ASAP3: variants seen among roughly 807,000 people sequenced by gnomAD.
The protein encoded by ASAP3 is arf-GAP with SH3 domain, ANK repeat and PH domain-containing protein 3.
A neutral mutation model predicts 118.2 loss-of-function variants in ASAP3; 85 were observed. The ratio of observed to expected loss-of-function variants is 0.72; its 90% CI spans 0.60 to 0.86. ASAP3 has a LOEUF of 0.86. Ranked by LOEUF, ASAP3 falls within the 40% of genes least tolerant of loss-of-function variation. The pLI, the probability that ASAP3 is intolerant of heterozygous loss-of-function variation, is 0.00. For missense variants in ASAP3, 1,026 were observed against 1,175.0 expected, an observed-to-expected ratio of 0.87 and a Z score of 1.85; for synonymous variants, 432 against 477.4, an observed-to-expected ratio of 0.90 and a Z score of 1.24.
rs986665277 is a variant in ASAP3, at chr1:23,436,455, G to C, written c.1571+105C>G. ...TGGGATTACAGGCGTGAGCCACTGC[G>C]CCCAGCCTCCCCAGACTTCTGATCC... On this transcript the variant is annotated intron_variant, in intron 16 of 24. Transcript: ENST00000336689. The surrounding 1 kb of genome is among the most constrained non-coding windows in gnomAD (Gnocchi z 4.2). 1.5e-6 allele frequency: 2 copies of C among 1,304,958 alleles called. No homozygotes were observed. The highest frequency in any genetic ancestry group is 2.9e-5 in the African/African-American group (2 of 68,614). The allele number at this position is 1,304,958 out of a possible 1,614,324, so 80.8% of individuals were successfully genotyped here. A position where few individuals can be genotyped will look rare whatever the true frequency, so the allele number is the denominator to read the frequency against.
At position 23,431,689 on chromosome 1, in the gene ASAP3, C is replaced by T; in HGVS notation, c.2546+7G>A. ...TGCCCTGGTTGCACAGCTGGGCCCT[C>T]ACCAACCTGAATCTGACGGGGAGGT... On this transcript the variant is annotated splice_region_variant and intron_variant, in intron 23 of 24. Transcript: ENST00000336689. 4 of 1,524,076 alleles carry T rather than the reference C, an allele frequency of 2.6e-6. No homozygotes were observed. Among genetic ancestry groups the T allele is most frequent in the Non-Finnish European group, 3.5e-6 (4 of 1,142,458 alleles). 94.4% of individuals were successfully genotyped at this position (1,524,076 alleles called of 1,614,324 possible). A position where few individuals can be genotyped will look rare whatever the true frequency, so the allele number is the denominator to read the frequency against.
Position 23,452,706 on chromosome 1 carries a change from G to A in ASAP3, c.414C>T (p.Asp138=), listed in dbSNP as rs141042381. ...CAGCATGGAGACTCACCTGTCGACC[G>A]TCCCTCAGCTGCCCCTTCATCAGAC... ...LDSLMKGQLR[D]GRQDSKKQLE... The change falls in exon 4 of 25, where the codon GAC becomes GAT. Residue 138 remains aspartate (D), a synonymous_variant. Transcript: ENST00000336689. The A allele has an allele frequency of 3.2e-5, 52 of 1,613,562 alleles. No individual in the cohort carries two copies. The highest frequency in any genetic ancestry group is 2.8e-4 in the African/African-American group (21 of 74,844).
At chr1:23,457,808 C>CG (rs1391121544) in intron 1 of ASAP3, among the ~76,000 whole-genome samples, 5 of 152,174 alleles carry the variant, frequency 3.3e-5, no homozygotes, top group African/African-American at 1.2e-4. Context: ...CCACCGTGCC[C>CG]GGGCACAAGT....
At chr1:23,464,290 G>A (rs1001441376) in intron 1 of ASAP3, among the ~76,000 whole-genome samples, 2 of 151,522 alleles carry the variant, frequency 1.3e-5, no homozygotes, top group African/African-American at 2.4e-5. Context: ...AGGTTCAATC[G>A]ATTCTCCTGC....
At chr1:23,442,445 G>C (rs189465169) in intron 6 of ASAP3, 56 bp downstream of exon 6, 2 of 1,600,412 alleles carry the variant, frequency 1.2e-6, no homozygotes, top group Admixed American at 1.7e-5. Flanking sequence ...CCCCTGGAGA[G>C]GCAGACAGGA....
In ASAP3 at chr1:23,435,937, T is replaced by C. The variant is rs1315349029; in HGVS notation, c.1663A>G (p.Ile555Val). The change falls in exon 17 of 25, where the codon ATT (isoleucine) becomes GTT (valine). Residue 555 changes from isoleucine (I) to valine (V), a missense_variant. Coordinates refer to ENST00000336689, the MANE Select transcript of ASAP3 (RefSeq NM_017707.4). ...TPEPQRLWTAICNRDLLSVLE... is the reference protein window; with the variant it reads ...TPEPQRLWTAVCNRDLLSVLE... The stretch of plus-strand genomic sequence containing the variant: ...ACCGACAGGAGGTCCCTGTTGCAAA[T>C]GGCTGTCCAGAGTCGCTGAGGCTCA... The C allele has an allele frequency of 1.5e-5, 25 of 1,614,248 alleles. No homozygotes were observed. Among genetic ancestry groups the C allele is most frequent in the Non-Finnish European group, 2.1e-5 (25 of 1,180,042 alleles).
At position 23,452,787 on chromosome 1, in the gene ASAP3, A is replaced by C. The variant is rs1570368847; in HGVS notation, c.349-16T>G. The C allele has an allele frequency of 6.2e-7, 1 of 1,613,422 alleles. No individual in the cohort carries two copies. The highest frequency in any genetic ancestry group is 1.3e-5 in the African/African-American group (1 of 74,972). ...AGTTCTGAATCTGGAAAAAACAGAG[A>C]CGCTCATTCCCGCCTCAGGTGACCG... On this transcript the variant is annotated splice_polypyrimidine_tract_variant and intron_variant, in intron 3 of 24. Coordinates refer to ENST00000336689, the MANE Select transcript of ASAP3 (RefSeq NM_017707.4).
At chr1:23,464,484 A>G (rs1428705058) in intron 1 of ASAP3, among the ~76,000 whole-genome samples, 1 of 151,340 alleles carries the variant, frequency 6.6e-6, no homozygotes, top group African/African-American at 2.4e-5. Flanking sequence ...ACTGCACCCG[A>G]CCATTACAAA....
At chr1:23,442,691 G>A (rs1347571295) in intron 5 of ASAP3, 79 bp from the exon 6 acceptor site, 25 of 1,544,440 alleles carry the variant, frequency 1.6e-5, no homozygotes, top group Non-Finnish European at 1.8e-5. Flanking sequence ...CATGAGCAAA[G>A]GGGCCACATG....
intron 10 of ASAP3, 64 bp from the exon 11 acceptor site, chr1:23,439,294 G>A: frequency 6.5e-7 from 1 of 1,530,428 alleles, no homozygotes; most frequent in Non-Finnish European, 9.0e-7. Flanking sequence ...AGGTGTCAGA[G>A]AACAGAAATT....
At chr1:23,471,273 C>T (rs1379049990) in intron 1 of ASAP3, among the ~76,000 whole-genome samples, 1 of 152,152 alleles carries the variant, frequency 6.6e-6, no homozygotes, top group African/African-American at 2.4e-5. Context: ...TCATCTTTCC[C>T]GACTCAACTT....
At chr1:23,476,969 T>G (rs1044285262) in intron 1 of ASAP3, among the ~76,000 whole-genome samples, 4 of 152,242 alleles carry the variant, frequency 2.6e-5, no homozygotes, top group African/African-American at 9.6e-5. Flanking sequence ...GTGAGATTAG[T>G]TTCTATTCTC....
intron 1 of ASAP3, among the ~76,000 whole-genome samples, chr1:23,466,408 G>A (rs765966836): frequency 2.0e-5 from 3 of 152,204 alleles, no homozygotes; most frequent in East Asian, 1.9e-4. Flanking sequence ...TAAGAGACAC[G>A]TCTGAGCTTG....
At chr1:23,460,506 C>CAAAAA (rs71023213) in intron 1 of ASAP3, among the ~76,000 whole-genome samples, 115 of 84,706 alleles carry the variant, frequency 1.4e-3, no homozygotes, top group Non-Finnish European at 2.0e-3. Context: ...GACTCCATCT[C>CAAAAA]AAAAAAAAAA....
chr1:23,437,398 G>A lies in ASAP3; in HGVS notation c.1151+26C>T, dbSNP rs763372841. ...CCGCCGGCCCCCACCCACAAGGCTG[G>A]CCGGGCTGGCCGAGGGGGCACTCAC... On this transcript the variant is annotated intron_variant, in intron 13 of 24. Coordinates refer to ENST00000336689, the MANE Select transcript of ASAP3 (RefSeq NM_017707.4). The surrounding 1 kb of genome is among the most constrained non-coding windows in gnomAD (Gnocchi z 6.1). 6.2e-7 allele frequency: 1 copy of A among 1,612,940 alleles called. No homozygotes were observed. Among genetic ancestry groups the A allele is most frequent in the Non-Finnish European group, 8.5e-7 (1 of 1,179,410 alleles).
Position 23,436,750 on chromosome 1 carries a change from G to T in ASAP3, c.1477-96C>A, listed in dbSNP as rs1436110669. The T allele has an allele frequency of 6.4e-7, 1 of 1,564,374 alleles. No homozygotes were observed. Among genetic ancestry groups the T allele is most frequent in the East Asian group, 2.3e-5 (1 of 44,066 alleles). The stretch of plus-strand genomic sequence containing the variant: ...CAAGCCCCCAGAGTCCCGCCCCTCG[G>T]CCGCCCTCCCGGTTCAGGCCCCGCC... On this transcript the variant is annotated intron_variant, in intron 15 of 24. Coordinates refer to ENST00000336689, the MANE Select transcript of ASAP3 (RefSeq NM_017707.4). This position sits in a 1 kb window ranked among gnomAD's most constrained non-coding sequence, Gnocchi z 4.2.
intron 5 of ASAP3, among the ~76,000 whole-genome samples, chr1:23,443,554 TTC>T (rs1640946974): frequency 6.6e-6 from 1 of 152,132 alleles, no homozygotes; most frequent in Non-Finnish European, 1.5e-5. Context: ...TTCTTTTATT[TTC>T]TTTTTCTTTC....
chr1:23,458,451 C>T (rs1442510609), intron 1 of ASAP3, among the ~76,000 whole-genome samples: 1 of 151,832 alleles, frequency 6.6e-6, no homozygotes, highest in Non-Finnish European at 1.5e-5. Context: ...GGCGAAACCC[C>T]ATCTCCATGT....
chr1:23,483,739 C>G (rs1032916393), intron 1 of ASAP3, among the ~76,000 whole-genome samples: 4 of 152,206 alleles, frequency 2.6e-5, no homozygotes, highest in African/African-American at 7.2e-5. Flanking sequence ...GAGGCGGTCA[C>G]GCGGGGCACT....
Sources: gnomAD v4.1 joint callset for allele counts (sites outside exome capture counted in the v4.1 genomes callset) on GRCh38, gnomAD v4.1.1 for gene constraint, Gnocchi (gnomAD v3.1) non-coding constraint, MANE v1.5 for transcripts, NCBI Gene and HGNC (gene_info 2026-07-23, HGNC 2026-07-21) for gene names.